The following GAPVD1 variants were observed in gnomAD, a reference collection of about 807,000 sequenced individuals.
GAPVD1 encodes GTPase activating protein and VPS9 domains 1.
In GAPVD1, 35 loss-of-function variants were observed where a neutral mutation model predicts 155.5. The ratio of observed to expected loss-of-function variants is 0.23; its 90% CI spans 0.17 to 0.30. The LOEUF (loss-of-function observed/expected upper bound fraction) is 0.30, where lower values mean the gene tolerates loss of function less well. GAPVD1 is among the 10% of genes least tolerant of loss of function. The pLI is 1.00. For missense variants in GAPVD1, 1,429 were observed against 1,775.7 expected (o/e 0.80, Z 3.51); for synonymous variants, 636 against 619.7 (o/e 1.03, Z -0.39).
intron 2 of GAPVD1, among the ~76,000 whole-genome samples, chr9:125,285,782 A>T (rs1178524911): frequency 3.3e-5 from 5 of 151,556 alleles, no homozygotes; most frequent in African/African-American, 4.8e-5. Context: ...TTTTTATAGA[A>T]AATATGGTAA....
intron 2 of GAPVD1, among the ~76,000 whole-genome samples, chr9:125,285,607 C>G (rs1404667107): frequency 2.6e-5 from 4 of 151,224 alleles, no homozygotes; most frequent in Admixed American, 6.6e-5. Flanking sequence ...TTACAGGCAT[C>G]CGCCACCACA....
At chr9:125,347,463 C>G (rs148559249) in intron 20 of GAPVD1, among the ~76,000 whole-genome samples, 3 of 152,176 alleles carry the variant, frequency 2.0e-5, no homozygotes, top group African/African-American at 7.2e-5. Context: ...CGGTGGCTCA[C>G]ACCTGTAATC....
chr9:125,322,185 C>T (rs1844426238), intron 10 of GAPVD1, among the ~76,000 whole-genome samples: 2 of 152,114 alleles, frequency 1.3e-5, no homozygotes, highest in Admixed American at 1.3e-4. Context: ...CTGCCTCAGC[C>T]TCCTGCATAG....
At chr9:125,308,151 A>C (rs761003470) in intron 8 of GAPVD1, 3 of 539,642 alleles carry the variant, frequency 5.6e-6, no homozygotes, top group African/African-American at 1.9e-5. Flanking sequence ...TTCTTGAAAA[A>C]ATTTTGGAAA....
intron 14 of GAPVD1, among the ~76,000 whole-genome samples, chr9:125,332,272 A>T (rs1032488723): frequency 2.6e-5 from 4 of 152,310 alleles, no homozygotes; most frequent in East Asian, 3.9e-4. Flanking sequence ...GTCTCTCTAC[A>T]ACTGTTTCTG....
chr9:125,316,032 G>C (rs527731714), intron 9 of GAPVD1, among the ~76,000 whole-genome samples: 64 of 152,132 alleles, frequency 4.2e-4, no homozygotes, highest in Admixed American at 1.6e-3. Context: ...GCCAAATCAC[G>C]TGCTCACCAC....
chr9:125,286,308 T>G, intron 2 of GAPVD1, among the ~76,000 whole-genome samples: 1 of 150,424 alleles, frequency 6.6e-6, no homozygotes, highest in South Asian at 2.1e-4. Flanking sequence ...TTTTCTTTGT[T>G]TTTTATTTAT....
chr9:125,331,695 A>G (rs1846103618), intron 13 of GAPVD1, among the ~76,000 whole-genome samples: 1 of 152,196 alleles, frequency 6.6e-6, no homozygotes, highest in Non-Finnish European at 1.5e-5. Flanking sequence ...GACATTAGTG[A>G]TCTAGAACCA....
intron 2 of GAPVD1, among the ~76,000 whole-genome samples, chr9:125,287,145 A>G (rs530050320): frequency 6.6e-6 from 1 of 152,088 alleles, no homozygotes; most frequent in African/African-American, 2.4e-5. Context: ...TGCATACTGT[A>G]TGGTTGGAAA....
intron 21 of GAPVD1, 75 bp downstream of exon 21, chr9:125,349,594 A>G: frequency 7.8e-7 from 1 of 1,281,704 alleles, no homozygotes; most frequent in Non-Finnish European, 1.1e-6. Context: ...AAGTCAAGTG[A>G]TGTTTTGAGT....
intron 3 of GAPVD1, among the ~76,000 whole-genome samples, chr9:125,296,037 C>T (rs1839795628): frequency 6.6e-6 from 1 of 152,090 alleles, no homozygotes; most frequent in Admixed American, 6.6e-5. Flanking sequence ...ATACAAAAAC[C>T]ATTGAAAGAT....
At chr9:125,357,077 G>T (rs142184787) in intron 25 of GAPVD1, among the ~76,000 whole-genome samples, 1 of 152,110 alleles carries the variant, frequency 6.6e-6, no homozygotes, top group Non-Finnish European at 1.5e-5. Flanking sequence ...AAAGTGCTGG[G>T]ATAAGAGCTA....
At chr9:125,281,219 C>T (rs1422513664) in intron 2 of GAPVD1, among the ~76,000 whole-genome samples, 1 of 152,240 alleles carries the variant, frequency 6.6e-6, no homozygotes, top group East Asian at 1.9e-4. Flanking sequence ...GAATACTGCT[C>T]TCAAGTTTGT....
chr9:125,302,513 G>C lies in GAPVD1; in HGVS notation c.716G>C (p.Gly239Ala). Residue 239 changes from glycine (G) to alanine (A), a missense_variant, in exon 5 of 28, where the codon GGC becomes GCC. Physicochemically the swap from Gly to Ala is moderately conservative, Grantham distance 60 (BLOSUM62 0). This residue lies in a region of GAPVD1 where 628 missense variants were observed against 733.4 expected (regional missense o/e 0.86). Transcript: ENST00000297933. The part of the protein sequence containing the change: ...SQQEKLFGEK[G>A]SDRFRQKVQE... ...CAGGAAAAACTCTTTGGAGAGAAGGGCTCAGATAGATTCAGGCAAAAAGTT... is the reference window on the plus strand; with the variant it reads ...CAGGAAAAACTCTTTGGAGAGAAGGCCTCAGATAGATTCAGGCAAAAAGTT... 6.2e-7 allele frequency: 1 copy of C among 1,613,898 alleles called. No homozygotes were observed. Among genetic ancestry groups the C allele is most frequent in the Non-Finnish European group, 8.5e-7 (1 of 1,179,976 alleles).
chr9:125,305,223 C>A (rs140954260), intron 6 of GAPVD1, 74 bp downstream of exon 6: 4 of 931,314 alleles, frequency 4.3e-6, no homozygotes, highest in Non-Finnish European at 6.9e-6. Context: ...TAAATCTTGT[C>A]CTTAGGTGAT....
intron 1 of GAPVD1, among the ~76,000 whole-genome samples, chr9:125,267,450 A>G (rs1834151614): frequency 6.6e-6 from 1 of 151,610 alleles, no homozygotes; most frequent in African/African-American, 2.4e-5. Flanking sequence ...ATGGAGTTTC[A>G]CTCTTGTTGC....
chr9:125,292,034 G>A (rs1838687451), intron 2 of GAPVD1, among the ~76,000 whole-genome samples: 1 of 152,108 alleles, frequency 6.6e-6, no homozygotes, highest in Non-Finnish European at 1.5e-5. Flanking sequence ...TTGAGCCCAA[G>A]AGTTTGAGAC....
At chr9:125,348,723 G>A (rs2132322108) in intron 20 of GAPVD1, among the ~76,000 whole-genome samples, 1 of 152,218 alleles carries the variant, frequency 6.6e-6, no homozygotes, top group East Asian at 1.9e-4. Context: ...TGTTTTTCAG[G>A]CTGGTCTTGA....
intron 2 of GAPVD1, among the ~76,000 whole-genome samples, chr9:125,284,765 C>T (rs10114972): frequency 9.7e-4 from 148 of 152,298 alleles, no homozygotes; most frequent in African/African-American, 3.4e-3. Flanking sequence ...AGCTATATGG[C>T]ATAGCCTATT....
Sources: gnomAD v4.1 joint callset for allele counts (sites outside exome capture counted in the v4.1 genomes callset) on GRCh38, gnomAD v4.1.1 for gene constraint, gnomAD v4.1.1 regional missense constraint, MANE v1.5 for transcripts, NCBI Gene and HGNC (gene_info 2026-07-23, HGNC 2026-07-21) for gene names.